The following EFR3A variants were observed in gnomAD, a reference collection of about 807,000 sequenced individuals.
EFR3A encodes EFR3 homolog A, also known as protein EFR3 homolog A.
Under a neutral mutation model 104.4 loss-of-function variants are expected in EFR3A, and 76 were observed. The ratio of observed to expected loss-of-function variants is 0.73; its 90% CI spans 0.60 to 0.88. The LOEUF is 0.88. EFR3A is among the 40% of genes least tolerant of loss of function. The pLI is 0.00. For missense variants in EFR3A, 985 were observed against 1,012.5 expected, an observed-to-expected ratio of 0.97 and a Z score of 0.37; for synonymous variants, 330 against 330.0, an observed-to-expected ratio of 1.00 and a Z score of 0.00.
chr8:131,977,159 C>A, intron 12 of EFR3A, 67 bp downstream of exon 12: 1 of 1,106,816 alleles, frequency 9.0e-7, no homozygotes, highest in Non-Finnish European at 1.3e-6. Context: ...AATTGAATAG[C>A]TTCATGTTAC....
chr8:131,969,276 A>G (rs949851422), intron 9 of EFR3A, among the ~76,000 whole-genome samples: 1 of 152,162 alleles, frequency 6.6e-6, no homozygotes, highest in Non-Finnish European at 1.5e-5. Flanking sequence ...TGAAATTCAA[A>G]GTGGAAATAT....
At chr8:131,966,274 T>G (rs1819730496) in intron 8 of EFR3A, among the ~76,000 whole-genome samples, 2 of 152,100 alleles carry the variant, frequency 1.3e-5, no homozygotes, top group South Asian at 4.2e-4. Context: ...GACAAGTTAC[T>G]AAAACTTGCC....
At chr8:132,010,302 G>A (rs1035730969) in intron 22 of EFR3A, among the ~76,000 whole-genome samples, 7 of 149,740 alleles carry the variant, frequency 4.7e-5, no homozygotes, top group South Asian at 4.2e-4. Context: ...ACAATCAGTC[G>A]GAATAAAATT....
In EFR3A at chr8:131,996,489, G is replaced by T. The variant is rs779181081; in HGVS notation, c.2149G>T (p.Asp717Tyr). 1 of 1,591,692 alleles carries T rather than the reference G, an allele frequency of 6.3e-7. No homozygotes were observed. Among genetic ancestry groups the T allele is most frequent in the South Asian group, 1.2e-5 (1 of 85,820 alleles). Residue 717 changes from aspartate to tyrosine, a missense_variant, in exon 19 of 23, where the codon GAT (aspartate) becomes TAT (tyrosine). Transcript: ENST00000254624. ...VDILSNNVPS[D>Y]DVVSNTEEIT... ...TATTTTATCCAACAATGTTCCTTCTGATGATGTGGTAAGTTACTGAAAGTT... is the reference window on the plus strand; with the variant it reads ...TATTTTATCCAACAATGTTCCTTCTTATGATGTGGTAAGTTACTGAAAGTT...
chr8:131,984,182 A>G lies in EFR3A; in HGVS notation c.1619A>G (p.Glu540Gly), dbSNP rs762584170. The G allele has an allele frequency of 4.3e-6, 7 of 1,612,824 alleles. No homozygotes were observed. The highest frequency in any genetic ancestry group is 3.3e-5 in the South Asian group (3 of 90,858). Residue 540 changes from glutamate (E) to glycine (G), a missense_variant, in exon 15 of 23, where the codon GAG becomes GGG. Transcript: ENST00000254624. The stretch of plus-strand genomic sequence containing the variant: ...CGGCACATATATTTGGGTTGTAAAG[A>G]GGAAGACAACGTTCAGAAAAACTAT... ...LYRHIYLGCK[E>G]EDNVQKNYEL...
chr8:132,010,407 G>GATATACATATATATATATATATAT (rs1554610360), intron 22 of EFR3A, among the ~76,000 whole-genome samples: 7 of 81,890 alleles, frequency 8.5e-5, no homozygotes, highest in African/African-American at 3.4e-4. Context: ...TCAAGTATGA[G>GATATACATATATATATATATATAT]ATATATATAT....
intron 22 of EFR3A, among the ~76,000 whole-genome samples, chr8:132,004,915 CTAACA>C (rs767312605): frequency 1.3e-5 from 2 of 152,170 alleles, no homozygotes; most frequent in East Asian, 1.9e-4. Flanking sequence ...TTTAGTCAAA[CTAACA>C]TAACTATATG....
chr8:131,974,738 A>G (rs1200183267), intron 10 of EFR3A, among the ~76,000 whole-genome samples: 1 of 152,196 alleles, frequency 6.6e-6, no homozygotes, highest in Admixed American at 6.5e-5. Context: ...ATGGAGATGG[A>G]GTCATGTTAA....
chr8:131,982,554 C>T (rs1820669783), intron 14 of EFR3A, among the ~76,000 whole-genome samples: 1 of 151,996 alleles, frequency 6.6e-6, no homozygotes, highest in Admixed American at 6.6e-5. Context: ...TAGATAATGC[C>T]ATACCAATTT....
At chr8:131,912,453 A>G (rs567779124) in intron 1 of EFR3A, among the ~76,000 whole-genome samples, 4 of 152,362 alleles carry the variant, frequency 2.6e-5, no homozygotes, top group African/African-American at 4.8e-5. Context: ...TTACCAAAAG[A>G]CTTAACACTA....
intron 18 of EFR3A, among the ~76,000 whole-genome samples, chr8:131,995,452 A>G (rs1267324399): frequency 6.6e-6 from 1 of 152,222 alleles, no homozygotes; most frequent in Non-Finnish European, 1.5e-5. Flanking sequence ...GACTGTCCCT[A>G]ACACCTAACA....
intron 15 of EFR3A, 22 bp from the exon 16 acceptor site, chr8:131,984,907 A>C: frequency 6.2e-7 from 1 of 1,606,538 alleles, no homozygotes; most frequent in Non-Finnish European, 8.5e-7. Context: ...GATCTCTCTG[A>C]TGTGTTTGTT....
At chr8:131,958,130 T>C (rs936869205) in intron 7 of EFR3A, among the ~76,000 whole-genome samples, 53 of 152,306 alleles carry the variant, frequency 3.5e-4, no homozygotes, top group Admixed American at 3.4e-3. Context: ...AAGTAATTGG[T>C]AGCATGCTTG....
chr8:131,941,977 G>C (rs1053655991), intron 2 of EFR3A, among the ~76,000 whole-genome samples: 1 of 152,060 alleles, frequency 6.6e-6, no homozygotes, highest in African/African-American at 2.4e-5. Context: ...AATTTCAGAT[G>C]TTATCAATTA....
intron 1 of EFR3A, among the ~76,000 whole-genome samples, chr8:131,925,035 C>T (rs998513718): frequency 3.3e-5 from 5 of 151,920 alleles, no homozygotes; most frequent in Admixed American, 3.3e-4. Flanking sequence ...ATGTCATGTG[C>T]TTGATAGAAT....
intron 1 of EFR3A, among the ~76,000 whole-genome samples, chr8:131,916,185 G>GT (rs1269376203): frequency 6.6e-6 from 1 of 152,202 alleles, no homozygotes; most frequent in African/African-American, 2.4e-5. Flanking sequence ...AGAAACACAA[G>GT]TTGCTATGTA....
chr8:131,999,083 A>G (rs933642411), intron 19 of EFR3A, among the ~76,000 whole-genome samples: 100 of 152,160 alleles, frequency 6.6e-4, no homozygotes, highest in African/African-American at 2.3e-3. Context: ...AAATCACCAC[A>G]CTACTCTTCT....
chr8:131,968,668 A>C (rs1819894753), intron 9 of EFR3A, among the ~76,000 whole-genome samples: 1 of 152,078 alleles, frequency 6.6e-6, no homozygotes, highest in South Asian at 2.1e-4. Context: ...AAGGTTTTTG[A>C]GTATTGATTA....
rs1032130336 is a variant in EFR3A at position 131,971,007 on chromosome 8, A to T, written c.1159+364A>T. On this transcript the variant is annotated intron_variant, in intron 10 of 22. Coordinates refer to ENST00000254624, the MANE Select transcript of EFR3A (RefSeq NM_015137.6). ...TGGGAATACACACATACACATGCAT[A>T]TTTTTTTCTAAACCACGAGATACAG... 5.9e-5 allele frequency among the ~76,000 whole-genome samples: 9 copies of T among 151,958 alleles called. 1 individual carries two copies. The highest frequency in any genetic ancestry group is 1.5e-5 in the Non-Finnish European group (1 of 68,002).
Sources: gnomAD v4.1 joint callset for allele counts (sites outside exome capture counted in the v4.1 genomes callset) on GRCh38, gnomAD v4.1.1 for gene constraint, MANE v1.5 for transcripts, NCBI Gene and HGNC (gene_info 2026-07-23, HGNC 2026-07-21) for gene names.